ANO10: variants seen among roughly 807,000 people sequenced by gnomAD.
ANO10 encodes anoctamin-10.
A neutral mutation model predicts 74.7 loss-of-function variants in ANO10; 77 were observed. That is an observed-to-expected ratio of 1.03 (90% CI 0.86 to 1.25). The LOEUF (loss-of-function observed/expected upper bound fraction) is 1.25. Among genes scored for constraint, ANO10 ranks in the 50% most tolerant of loss-of-function variants. The pLI, the probability that ANO10 is intolerant of heterozygous loss-of-function variation, is 0.00. For synonymous variants in ANO10, 279 were observed against 284.9 expected (o/e 0.98, Z 0.21); for missense variants, 721 against 778.1 (o/e 0.93, Z 0.87).
intron 12 of ANO10, among the ~76,000 whole-genome samples, chr3:43,382,381 T>C (rs140119162): frequency 0.068 from 10,263 of 151,540 alleles, 808 homozygotes; most frequent in African/African-American, 0.16. Flanking sequence ...TAGCCGGGCG[T>C]GGTAGCGGGC....
At chr3:43,470,594 T>TA (rs1261492215) in intron 11 of ANO10, among the ~76,000 whole-genome samples, 16 of 128,040 alleles carry the variant, frequency 1.2e-4, no homozygotes, top group Admixed American at 9.3e-4. Context: ...GCCTGGTAAT[T>TA]ATTTTATTTA....
chr3:43,687,003 A>ATT lies in ANO10; in HGVS notation c.-12+4512_-12+4513dup, dbSNP rs59861590. Among the ~76,000 whole-genome samples, 1,269 of 143,016 alleles carry ATT rather than the reference A, an allele frequency of 8.9e-3. 21 individuals are homozygous for ATT. The highest frequency in any genetic ancestry group is 0.029 in the African/African-American group (1,128 of 39,074). The allele number at this position is 143,016 out of a possible 152,430, so 93.8% of individuals were successfully genotyped here. A position where few individuals can be genotyped will look rare whatever the true frequency, so the allele number is the denominator to read the frequency against. ...GTCCAAGAAGCCCTAAAGTCATGTG[A>ATT]TTTTTTTTTTTTTTTTGAGAAGTCA... On this transcript the variant is annotated intron_variant, in intron 1 of 3. Coordinates refer to the ANO10 transcript ENST00000413397.
At chr3:43,453,381 G>C (rs369950409) in intron 11 of ANO10, among the ~76,000 whole-genome samples, 33 of 152,160 alleles carry the variant, frequency 2.2e-4, no homozygotes, top group African/African-American at 7.5e-4. Flanking sequence ...GGGTTTCACT[G>C]TGTTAGCCAG....
chr3:43,378,490 T>C (rs886383271), intron 12 of ANO10, among the ~76,000 whole-genome samples: 3 of 152,234 alleles, frequency 2.0e-5, no homozygotes, highest in Admixed American at 2.0e-4. Context: ...AGGGCAGTTT[T>C]CCCCACATCT....
chr3:43,432,569 T>C, intron 12 of ANO10, 42 bp downstream of exon 12: 1 of 1,446,512 alleles, frequency 6.9e-7, no homozygotes, highest in African/African-American at 1.4e-5. Context: ...TTCCTGTCAT[T>C]TGCTAAAGCA....
intron 10 of ANO10, among the ~76,000 whole-genome samples, chr3:43,550,724 T>C (rs1055856541): frequency 4.1e-5 from 6 of 145,898 alleles, no homozygotes; most frequent in African/African-American, 1.4e-4. Context: ...TCTAAGACTG[T>C]CTTTACTTTA....
chr3:43,587,752 A>G lies in ANO10; in HGVS notation c.473-7280T>C, dbSNP rs190315367. ...AAGATCTCCTGCTAATGGGTGACAC[A>G]GTAATATCCTCAATATTTAAACGTT... is the stretch of plus-strand genomic sequence containing the variant. On this transcript the variant is annotated intron_variant, in intron 4 of 12. Transcript: ENST00000292246. Among the ~76,000 whole-genome samples, 128 of 152,322 alleles carry G rather than the reference A, an allele frequency of 8.4e-4. 1 individual carries two copies. The highest frequency in any genetic ancestry group is 2.9e-3 in the African/African-American group (119 of 41,572).
intron 9 of ANO10, among the ~76,000 whole-genome samples, chr3:43,558,901 C>A (rs2079890616): frequency 6.6e-6 from 1 of 152,094 alleles, no homozygotes; most frequent in Non-Finnish European, 1.5e-5. Context: ...CACGCAGAAC[C>A]CTGCAGGTCC....
intron 5 of ANO10, among the ~76,000 whole-genome samples, chr3:43,578,829 T>C (rs2081136120): frequency 7.0e-6 from 1 of 143,096 alleles, no homozygotes; most frequent in Admixed American, 7.0e-5. Flanking sequence ...AATATTCAAA[T>C]TTCCTGCCAC....
chr3:43,490,567 T>C (rs1037878783), intron 11 of ANO10, among the ~76,000 whole-genome samples: 3 of 152,202 alleles, frequency 2.0e-5, no homozygotes, highest in Non-Finnish European at 2.9e-5. Flanking sequence ...TGCTATGTAC[T>C]CAAACTGGTC....
At chr3:43,416,579 G>A (rs183552993) in intron 12 of ANO10, among the ~76,000 whole-genome samples, 67 of 152,286 alleles carry the variant, frequency 4.4e-4, no homozygotes, top group Admixed American at 7.2e-4. Flanking sequence ...TAGTCCAGTG[G>A]CATTTTAGCA....
intron 5 of ANO10, 103 bp from the exon 6 acceptor site, chr3:43,577,364 A>C: frequency 8.8e-7 from 1 of 1,133,534 alleles, no homozygotes; most frequent in Non-Finnish European, 1.3e-6. Flanking sequence ...GGGATCATTC[A>C]ACCCTCACTT....
chr3:43,389,585 T>C (rs545255967), intron 12 of ANO10, among the ~76,000 whole-genome samples: 1 of 152,354 alleles, frequency 6.6e-6, no homozygotes, highest in Admixed American at 6.5e-5. Flanking sequence ...CATGCAACTG[T>C]ATTGGGTTGT....
At chr3:43,622,383 A>C (rs181415307), upstream of ANO10, among the ~76,000 whole-genome samples, 629 of 152,318 alleles carry the variant, frequency 4.1e-3, 3 homozygotes, top group Middle Eastern at 0.014. Context: ...CCGGGGCGGC[A>C]TGTGGCTGGG....
rs1397319112 is a variant in ANO10 at position 43,571,130 on chromosome 3, A to T, written c.1218+3679T>A. Among the ~76,000 whole-genome samples, 6 of 150,330 alleles carry T rather than the reference A, an allele frequency of 4.0e-5. No individual in the cohort carries two copies. The East Asian group carries it at 7.8e-4, about 20-fold the overall frequency. On this transcript the variant is annotated intron_variant, in intron 7 of 12. Coordinates refer to ENST00000292246, the MANE Select transcript of ANO10 (RefSeq NM_018075.5). ...CAGAGAAATGCAAATCAAAACCACA[A>T]TGAGATACCATCTCACACCAGTTAG...
intron 1 of ANO10, among the ~76,000 whole-genome samples, chr3:43,656,271 G>C (rs942721849): frequency 5.3e-5 from 8 of 152,110 alleles, no homozygotes; most frequent in African/African-American, 1.9e-4. Context: ...CCTTGAGCTA[G>C]ATACAGAGTG....
At chr3:43,691,209 C>T (rs2084371867) in intron 1 of ANO10, 3 of 563,340 alleles carry the variant, frequency 5.3e-6, no homozygotes, top group Admixed American at 4.4e-5. Flanking sequence ...GGCGTCCCGG[C>T]GCCGCTCTGC....
At chr3:43,410,986 C>T (rs780930224) in intron 12 of ANO10, among the ~76,000 whole-genome samples, 5 of 151,982 alleles carry the variant, frequency 3.3e-5, no homozygotes, top group South Asian at 4.1e-4. Context: ...ACCTCCCTCA[C>T]GGGCTTACCT....
chr3:43,610,720 A>G (rs1394776745), intron 1 of ANO10, among the ~76,000 whole-genome samples: 1 of 152,214 alleles, frequency 6.6e-6, no homozygotes, highest in Admixed American at 6.5e-5. Context: ...GCACAGAAAA[A>G]CAGCTAGATA....
Sources: allele counts gnomAD v4.1 joint callset (sites outside exome capture counted in the v4.1 genomes callset), GRCh38; gene constraint gnomAD v4.1.1; transcripts MANE v1.5; gene names NCBI Gene and HGNC (gene_info 2026-07-23, HGNC 2026-07-21).